LAMP1: variants seen among roughly 807,000 people sequenced by gnomAD.
The protein encoded by LAMP1 is lysosome-associated membrane glycoprotein 1.
A neutral mutation model predicts 37.5 loss-of-function variants in LAMP1; 7 were observed. The ratio of observed to expected loss-of-function variants is 0.19; its 90% confidence interval spans 0.11 to 0.35. The LOEUF is 0.35. Among genes scored for constraint, LAMP1 ranks in the 10% least tolerant of loss-of-function variants. The pLI is 1.00. For synonymous variants in LAMP1, 236 were observed against 229.1 expected, an observed-to-expected ratio of 1.03 and a Z score of -0.27; for missense variants, 537 against 552.8, an observed-to-expected ratio of 0.97 and a Z score of 0.29.
Position 113,306,348 on chromosome 13 carries a change from C to T in LAMP1, c.62-137C>T, listed in dbSNP as rs375089399. The T allele has an allele frequency of 0.02, 17,682 of 879,222 alleles. 2,012 individuals are homozygous for T. The African/African-American group carries it at 0.31, about 15-fold the overall frequency. The allele number at this position is 879,222 out of a possible 1,614,324, so 54.5% of individuals were successfully genotyped here. ...CCCCAGCCTGGCGACAGTGAGACTC[C>T]GTCTCAAAAAAAAAAAAAGAGAAAC... On this transcript the variant is annotated intron_variant, in intron 1 of 8. Transcript: ENST00000332556.
intron 4 of LAMP1, among the ~76,000 whole-genome samples, chr13:113,318,558 G>A (rs764786155): frequency 7.2e-5 from 11 of 152,288 alleles, no homozygotes; most frequent in Non-Finnish European, 1.3e-4. Flanking sequence ...ACTCGGTAGA[G>A]CTCTACCTAG....
Position 113,321,324 on chromosome 13 carries a change from T to G in LAMP1, c.877-80T>G, listed in dbSNP as rs2042697768. ...CCCAATGACCATTCACGTTTGATGA[T>G]AAATGTGTGAATCTACTGGGGTTAA... On this transcript the variant is annotated intron_variant, in intron 6 of 8. Transcript: ENST00000332556. This position sits in a 1 kb window ranked among gnomAD's most constrained non-coding sequence, Gnocchi z 5.6. 8.7e-7 allele frequency: 1 copy of G among 1,144,502 alleles called. No individual in the cohort carries two copies. The highest frequency in any genetic ancestry group is 1.2e-5 in the South Asian group (1 of 81,308). 70.9% of individuals were successfully genotyped at this position (1,144,502 alleles called of 1,614,324 possible).
At chr13:113,302,768 A>G (rs569645214) in intron 1 of LAMP1, among the ~76,000 whole-genome samples, 1 of 152,188 alleles carries the variant, frequency 6.6e-6, no homozygotes, top group Admixed American at 6.5e-5. Context: ...TCAGTCATCA[A>G]GTGCTGGAGA....
At chr13:113,319,204 A>C (rs987198953) in intron 4 of LAMP1, among the ~76,000 whole-genome samples, 3 of 152,202 alleles carry the variant, frequency 2.0e-5, no homozygotes, top group South Asian at 2.1e-4. Context: ...CCTGCTGCCC[A>C]GGCAGAACCG....
intron 1 of LAMP1, among the ~76,000 whole-genome samples, chr13:113,304,278 G>C (rs181373681): frequency 6.6e-6 from 1 of 152,310 alleles, no homozygotes; most frequent in Non-Finnish European, 1.5e-5. Context: ...GTGACTGTGG[G>C]CCCTGTGACT....
chr13:113,301,640 A>AT (rs2042573215), intron 1 of LAMP1, among the ~76,000 whole-genome samples: 1 of 75,102 alleles, frequency 1.3e-5, no homozygotes, highest in African/African-American at 8.3e-5. Flanking sequence ...AAAAAAAAAA[A>AT]AAAAATATAT....
chr13:113,299,850 C>T (rs1462005864), intron 1 of LAMP1, among the ~76,000 whole-genome samples: 1 of 152,144 alleles, frequency 6.6e-6, no homozygotes, highest in Non-Finnish European at 1.5e-5. Flanking sequence ...AGCCATGAGC[C>T]ACCGTGCCTA....
intron 3 of LAMP1, among the ~76,000 whole-genome samples, chr13:113,310,227 T>G (rs2042622772): frequency 6.7e-6 from 1 of 150,310 alleles, no homozygotes; most frequent in Non-Finnish European, 1.5e-5. Context: ...AGACTGTCTC[T>G]AAAAAATAAA....
At chr13:113,303,929 AC>A (rs1288252701) in intron 1 of LAMP1, among the ~76,000 whole-genome samples, 3 of 152,136 alleles carry the variant, frequency 2.0e-5, no homozygotes, top group Admixed American at 2.0e-4. Flanking sequence ...TACTAAAAAT[AC>A]AAAAAGTAGC....
chr13:113,322,945 T>G lies in LAMP1; in HGVS notation c.*524T>G, dbSNP rs1391025957. On this transcript the variant is annotated 3_prime_UTR_variant, in exon 9 of 9. Coordinates refer to ENST00000332556, the MANE Select transcript of LAMP1 (RefSeq NM_005561.4). ...TCTGGTGTTTGGTTTCTTCATTCTT[T>G]ACTGCACTCAGATTTAAGCCTTACA... The G allele has an allele frequency of 6.4e-6, 1 of 156,770 alleles. No individual in the cohort carries two copies. The highest frequency in any genetic ancestry group is 2.4e-5 in the African/African-American group (1 of 41,462). The allele number at this position is 156,770 out of a possible 1,614,324, so 9.7% of individuals were successfully genotyped here. A position where few individuals can be genotyped will look rare whatever the true frequency, so the allele number is the denominator to read the frequency against.
intron 1 of LAMP1, chr13:113,305,601 G>A (rs1348934891): frequency 6.6e-6 from 1 of 152,198 alleles, no homozygotes; most frequent in Non-Finnish European, 1.5e-5. Context: ...AAGACCTATA[G>A]AGCTTCCATT....
intron 2 of LAMP1, among the ~76,000 whole-genome samples, chr13:113,306,834 C>CTTTTTTTTTTTTTTTTTTTTTTTTTTTTT (rs780041684): frequency 1.2e-5 from 1 of 80,142 alleles, no homozygotes; most frequent in Non-Finnish European, 2.2e-5. Flanking sequence ...GAACATTTTC[C>CTTTTTTTTTTTTTTTTTTTTTTTTTTTTT]TTTTTTTTTT....
chr13:113,319,355 C>A, intron 4 of LAMP1, 114 bp from the exon 5 acceptor site: 1 of 936,728 alleles, frequency 1.1e-6, no homozygotes, highest in Non-Finnish European at 1.6e-6. Flanking sequence ...AGAAAATAGT[C>A]ACCAAGGACG....
At chr13:113,299,164 A>G (rs1395489524) in intron 1 of LAMP1, among the ~76,000 whole-genome samples, 9 of 152,190 alleles carry the variant, frequency 5.9e-5, no homozygotes, top group African/African-American at 2.2e-4. Context: ...ATTAACTTTA[A>G]AAATGAAGAG....
At chr13:113,313,494 G>A (rs542306148) in intron 4 of LAMP1, among the ~76,000 whole-genome samples, 1 of 152,228 alleles carries the variant, frequency 6.6e-6, no homozygotes, top group East Asian at 1.9e-4. Flanking sequence ...CTGGCCACTT[G>A]CCCCTCCTGG....
chr13:113,318,893 G>C (rs2042681299), intron 4 of LAMP1, among the ~76,000 whole-genome samples: 1 of 152,180 alleles, frequency 6.6e-6, no homozygotes, highest in South Asian at 2.1e-4. Context: ...CCTGACCCCT[G>C]TCCTGCCAGA....
intron 4 of LAMP1, among the ~76,000 whole-genome samples, chr13:113,318,912 T>C (rs1388251805): frequency 2.0e-5 from 3 of 152,156 alleles, no homozygotes; most frequent in Non-Finnish European, 4.4e-5. Flanking sequence ...GAGGGCCTCC[T>C]TGGCTGCTCT....
chr13:113,322,038 A>G, intron 8 of LAMP1: 2 of 581,634 alleles, frequency 3.4e-6, no homozygotes, highest in South Asian at 4.5e-5. Flanking sequence ...CCCTGGACGC[A>G]GCACAGCTGT....
At chr13:113,302,309 C>G (rs1451404864) in intron 1 of LAMP1, among the ~76,000 whole-genome samples, 1 of 152,110 alleles carries the variant, frequency 6.6e-6, no homozygotes, top group Non-Finnish European at 1.5e-5. Flanking sequence ...CTCAGCCTCC[C>G]GAGTAGCTGA....
Sources: gnomAD v4.1 joint callset for allele counts (sites outside exome capture counted in the v4.1 genomes callset) on GRCh38, gnomAD v4.1.1 for gene constraint, Gnocchi (gnomAD v3.1) non-coding constraint, MANE v1.5 for transcripts, NCBI Gene and HGNC (gene_info 2026-07-23, HGNC 2026-07-21) for gene names.